MYO18B: variants seen among roughly 807,000 people sequenced by gnomAD.
MYO18B encodes myosin XVIIIB, also known as unconventional myosin-XVIIIb.
A neutral mutation model predicts 273.0 loss-of-function variants in MYO18B; 204 were observed. The observed-to-expected ratio is 0.75, with a 90% CI of 0.67 to 0.84. MYO18B has a LOEUF of 0.84. Among genes scored for constraint, MYO18B ranks in the 40% least tolerant of loss-of-function variants. The pLI, the probability that MYO18B is intolerant of heterozygous loss-of-function variation, is 0.00. For synonymous variants in MYO18B, 1,330 were observed against 1,305.7 expected, an observed-to-expected ratio of 1.02 and a Z score of -0.40; for missense variants, 3,212 against 3,287.6, an observed-to-expected ratio of 0.98 and a Z score of 0.56.
At position 26,027,226 on chromosome 22, in the gene MYO18B, C is replaced by A. The variant is rs377090425; in HGVS notation, c.7252C>A (p.Pro2418Thr). The A allele has an allele frequency of 2.5e-5, 40 of 1,613,982 alleles. No homozygotes were observed. The African/African-American group carries it at 5.2e-4, about 21-fold the overall frequency. The change falls in exon 43 of 44, where the codon CCT (proline) becomes ACT (threonine). Residue 2418 changes from proline to threonine, a missense_variant. Pro to Thr is a conservative substitution (Grantham distance 38, BLOSUM62 -1). Transcript: ENST00000335473. This position sits in a 1 kb window ranked among gnomAD's most constrained non-coding sequence, Gnocchi z 4.1. ...NRQFAHLMEE[P>T]LGSDPFSWKL... Reference sequence around the variant, plus strand: ...CCAGTTTGCCCACCTGATGGAGGAACCTCTAGGCAGTGACCCATTCAGCTG... The same window carrying A: ...CCAGTTTGCCCACCTGATGGAGGAAACTCTAGGCAGTGACCCATTCAGCTG...
intron 42 of MYO18B, among the ~76,000 whole-genome samples, chr22:26,020,859 T>C (rs1038945825): frequency 1.6e-4 from 24 of 152,194 alleles, no homozygotes; most frequent in Admixed American, 2.6e-4. Context: ...GAGGCCAAGG[T>C]GGGTGGATCA....
intron 21 of MYO18B, among the ~76,000 whole-genome samples, chr22:25,860,016 G>A (rs970487532): frequency 1.2e-4 from 19 of 152,182 alleles, no homozygotes; most frequent in Admixed American, 9.2e-4. Context: ...TGTGTATGGT[G>A]TAACATACAT....
chr22:25,823,060 G>A (rs2089343696), intron 12 of MYO18B, among the ~76,000 whole-genome samples: 1 of 152,178 alleles, frequency 6.6e-6, no homozygotes, highest in African/African-American at 2.4e-5. Flanking sequence ...AACTAGGCAA[G>A]GTTGGGGGAG....
intron 22 of MYO18B, among the ~76,000 whole-genome samples, chr22:25,871,286 C>T (rs895450341): frequency 1.9e-4 from 29 of 152,192 alleles, no homozygotes; most frequent in African/African-American, 6.5e-4. Context: ...CCATTACTTT[C>T]TACCTCCCAA....
chr22:25,785,391 C>T (rs2087338511), intron 10 of MYO18B, 37 bp from the exon 11 acceptor site: 1 of 1,580,760 alleles, frequency 6.3e-7, no homozygotes. Context: ...CTGGTGTGGA[C>T]AGCCCCCCTG....
intron 34 of MYO18B, among the ~76,000 whole-genome samples, chr22:25,945,737 CCCTCG>C (rs1396385847): frequency 2.3e-5 from 1 of 43,904 alleles, no homozygotes; most frequent in Admixed American, 2.1e-4. Flanking sequence ...CCCTCGCCTC[CCCTCG>C]CCTCCCCTCC....
chr22:25,948,869 A>T (rs751100428), intron 36 of MYO18B, among the ~76,000 whole-genome samples: 2 of 152,050 alleles, frequency 1.3e-5, no homozygotes, highest in Admixed American at 1.3e-4. Flanking sequence ...TTCCCAGAGT[A>T]GGTGTCATTT....
chr22:25,908,097 G>A (rs578180492), intron 31 of MYO18B, among the ~76,000 whole-genome samples: 8 of 151,756 alleles, frequency 5.3e-5, no homozygotes, highest in Admixed American at 3.9e-4. Context: ...CAGTGGGAAA[G>A]TGTGATTGAT....
At chr22:25,851,619 A>T in intron 21 of MYO18B, 40 bp downstream of exon 21, 2 of 1,383,178 alleles carry the variant, frequency 1.4e-6, no homozygotes, top group Non-Finnish European at 2.0e-6. Flanking sequence ...GGCCCTAGAT[A>T]TGGATATGTT....
intron 3 of MYO18B, among the ~76,000 whole-genome samples, chr22:25,766,964 C>G (rs78152601): frequency 0.019 from 2,924 of 152,270 alleles, 83 homozygotes; most frequent in African/African-American, 0.061. Context: ...AGATGTGAAG[C>G]TTGGCAGGGT....
chr22:25,812,830 A>G (rs1265133833), intron 12 of MYO18B, among the ~76,000 whole-genome samples: 1 of 152,188 alleles, frequency 6.6e-6, no homozygotes, highest in Non-Finnish European at 1.5e-5. Context: ...GCAGGGACCA[A>G]GGCTCAGAGA....
At chr22:26,007,369 A>C (rs1157699245) in intron 42 of MYO18B, among the ~76,000 whole-genome samples, 2 of 152,202 alleles carry the variant, frequency 1.3e-5, no homozygotes, top group Non-Finnish European at 2.9e-5. Context: ...GGTAAGTGGA[A>C]GAGCCAGAAT....
chr22:25,886,839 C>A (rs570970527), intron 25 of MYO18B, among the ~76,000 whole-genome samples: 9 of 152,102 alleles, frequency 5.9e-5, no homozygotes, highest in Non-Finnish European at 1.3e-4. Context: ...CAGCTATGAT[C>A]CTAAGCAAAT....
intron 1 of MYO18B, among the ~76,000 whole-genome samples, chr22:25,749,564 G>A (rs1327124129): frequency 1.3e-5 from 2 of 152,192 alleles, no homozygotes; most frequent in African/African-American, 4.8e-5. Context: ...CCAAACGAGG[G>A]GAAGCCAGAG....
intron 23 of MYO18B, among the ~76,000 whole-genome samples, chr22:25,875,609 G>T (rs2091170229): frequency 6.6e-6 from 1 of 152,172 alleles, no homozygotes; most frequent in East Asian, 1.9e-4. Context: ...ATGCACATTT[G>T]CAGGCTCCAT....
chr22:25,963,317 C>G (rs1353294222), intron 39 of MYO18B, among the ~76,000 whole-genome samples: 1 of 151,858 alleles, frequency 6.6e-6, no homozygotes, highest in Non-Finnish European at 1.5e-5. Flanking sequence ...TATTGTCTCA[C>G]AGTTCTGGAG....
intron 12 of MYO18B, among the ~76,000 whole-genome samples, chr22:25,815,151 C>T (rs143722052): frequency 1.3e-5 from 2 of 152,202 alleles, no homozygotes; most frequent in Non-Finnish European, 2.9e-5. Context: ...CCCTTGGACC[C>T]AGGAAATAGC....
At chr22:26,035,975 A>G (rs56025933), downstream of MYO18B, among the ~76,000 whole-genome samples, 32,601 of 152,110 alleles carry the variant, frequency 0.21, 5,070 homozygotes, top group African/African-American at 0.44. Flanking sequence ...CACAGACCCA[A>G]CCCTGTTTCA....
chr22:25,846,367 C>T (rs2090246065), intron 19 of MYO18B, 84 bp downstream of exon 19: 4 of 1,446,150 alleles, frequency 2.8e-6, no homozygotes, highest in South Asian at 2.5e-5. Context: ...GTGCCTACAT[C>T]ATCTCTAACC....
Sources: gnomAD v4.1 joint callset for allele counts (sites outside exome capture counted in the v4.1 genomes callset) on GRCh38, gnomAD v4.1.1 for gene constraint, Gnocchi (gnomAD v3.1) non-coding constraint, MANE v1.5 for transcripts, NCBI Gene and HGNC (gene_info 2026-07-23, HGNC 2026-07-21) for gene names.